The following SYNE2 variants were observed in gnomAD, a reference collection of about 807,000 sequenced individuals.
The protein encoded by SYNE2 is nesprin-2.
Under a neutral mutation model 856.3 loss-of-function variants are expected in SYNE2, and 431 were observed. The observed-to-expected ratio is 0.50, with a 90% CI of 0.47 to 0.55. The LOEUF (loss-of-function observed/expected upper bound fraction) is 0.55, where lower values mean the gene tolerates loss of function less well. Ranked by LOEUF, SYNE2 falls within the 20% of genes least tolerant of loss-of-function variation. The probability of loss-of-function intolerance (pLI) is 0.00; values close to 1 mark genes in which losing one functional copy is unlikely to be tolerated. For missense variants in SYNE2, 8,129 were observed against 8,023.2 expected (o/e 1.01, Z -0.50); for synonymous variants, 2,923 against 2,872.3 (o/e 1.02, Z -0.56).
chr14:64,026,764 C>T, intron 42 of SYNE2, 34 bp downstream of exon 42: 3 of 1,583,812 alleles, frequency 1.9e-6, no homozygotes, highest in Non-Finnish European at 1.7e-6. Context: ...TGCATCATAT[C>T]CCATTGCCCA....
At chr14:63,880,444 G>A (rs1486863745) in intron 1 of SYNE2, among the ~76,000 whole-genome samples, 1 of 152,132 alleles carries the variant, frequency 6.6e-6, no homozygotes, top group Non-Finnish European at 1.5e-5. Flanking sequence ...TTTAGAAGAT[G>A]AGGTAGCAAT....
Position 64,080,717 on chromosome 14 carries a change from ACAGT to A in SYNE2, c.11346+84_11346+87del, listed in dbSNP as rs1340962910. The A allele has an allele frequency of 5.8e-6, 9 of 1,550,454 alleles. No homozygotes were observed. In the Admixed American group the frequency reaches 1.2e-4, roughly 20 times the overall value. ...TTAAAGCAAAACAATATATTCAGAA[ACAGT>A]CAGTTTCTGTTGAATTATCAGTTTT... On this transcript the variant is annotated intron_variant, in intron 56 of 115. Transcript: ENST00000555002.
chr14:64,051,594 A>G lies in SYNE2; in HGVS notation c.7681A>G (p.Lys2561Glu), dbSNP rs1211378375. The G allele has an allele frequency of 6.2e-6, 10 of 1,613,590 alleles. No homozygotes were observed. Among genetic ancestry groups the G allele is most frequent in the Non-Finnish European group, 8.5e-6 (10 of 1,179,852 alleles). Residue 2561 changes from lysine to glutamate, a missense_variant, in exon 48 of 116, where the codon AAA becomes GAA. Coordinates refer to ENST00000555002, the MANE Select transcript of SYNE2 (RefSeq NM_182914.3). The stretch of plus-strand genomic sequence containing the variant: ...CAGTGTAACGTATCTGGACAAAATT[A>G]AAAAATTCATAGCATCCATAGAAAA... The part of the protein sequence containing the change: ...LDSVTYLDKI[K>E]KFIASIEKEK...
chr14:63,779,451 A>G (rs2139731622), intron 1 of SYNE2, among the ~76,000 whole-genome samples: 1 of 151,162 alleles, frequency 6.6e-6, no homozygotes, highest in East Asian at 1.9e-4. Flanking sequence ...AAAAAAAAAA[A>G]AAAAAGCTAG....
chr14:64,136,044 C>G (rs1293479248), intron 78 of SYNE2, among the ~76,000 whole-genome samples: 2 of 152,034 alleles, frequency 1.3e-5, no homozygotes, highest in African/African-American at 4.8e-5. Context: ...AATCCTAGCA[C>G]CTTAGGAGGC....
At chr14:64,189,246 A>G (rs893088563) in intron 98 of SYNE2, among the ~76,000 whole-genome samples, 1 of 151,614 alleles carries the variant, frequency 6.6e-6, no homozygotes, top group African/African-American at 2.4e-5. Context: ...AGGCAGGAGG[A>G]TTGCTTGAAC....
At chr14:63,793,213 A>G (rs1188537611) in intron 1 of SYNE2, among the ~76,000 whole-genome samples, 4 of 152,190 alleles carry the variant, frequency 2.6e-5, no homozygotes, top group African/African-American at 7.2e-5. Context: ...TGACACACAC[A>G]GCCACCTTGG....
At chr14:63,846,574 G>GTT (rs140162098) in intron 1 of SYNE2, among the ~76,000 whole-genome samples, 209 of 150,234 alleles carry the variant, frequency 1.4e-3, no homozygotes, top group African/African-American at 4.0e-3. Context: ...ATTTATTCAG[G>GTT]TTTTTTTTTC....
At chr14:63,923,349 G>A (rs1193956019) in intron 2 of SYNE2, among the ~76,000 whole-genome samples, 1 of 152,222 alleles carries the variant, frequency 6.6e-6, no homozygotes, top group Non-Finnish European at 1.5e-5. Context: ...TGCTCATGTG[G>A]CAACACGAGG....
chr14:63,843,190 C>T (rs1890126356), intron 1 of SYNE2, among the ~76,000 whole-genome samples: 1 of 151,890 alleles, frequency 6.6e-6, no homozygotes, highest in South Asian at 2.1e-4. Context: ...GTGTGCCCCA[C>T]CATACCAGGC....
chr14:64,179,888 G>A (rs569165957), intron 96 of SYNE2, among the ~76,000 whole-genome samples: 8 of 152,190 alleles, frequency 5.3e-5, no homozygotes, highest in African/African-American at 1.7e-4. Context: ...TTGTTAATGT[G>A]GATGAATTGG....
Position 64,177,421 on chromosome 14 carries a change from C to T in SYNE2, c.17494C>T (p.Gln5832Ter). 1 of 1,614,086 alleles carries T rather than the reference C, an allele frequency of 6.2e-7. No homozygotes were observed. The highest frequency in any genetic ancestry group is 8.5e-7 in the Non-Finnish European group (1 of 1,180,002). Reference protein sequence around the residue: ...LKSRLQVLKAQSEDPLPELHE... With the variant: ...LKSRLQVLKA ...AAGCAGGCTGCAAGTTTTAAAGGCA[C>T]AAAGTGAAGATCCTCTTCCAGAGCT... The change falls in exon 96 of 116, where the codon CAA becomes TAA. Residue 5832 changes from glutamine (Q) to a stop codon, truncating the protein, a stop_gained. Transcript: ENST00000555002. LOFTEE classifies it high-confidence loss of function.
At chr14:64,059,987 G>T (rs2097303412) in intron 49 of SYNE2, among the ~76,000 whole-genome samples, 1 of 152,114 alleles carries the variant, frequency 6.6e-6, no homozygotes, top group African/African-American at 2.4e-5. Flanking sequence ...TTCACTAAAG[G>T]CTCAAGGGGT....
chr14:64,141,209 GGTGTGTGT>G, intron 80 of SYNE2, 124 bp from the exon 81 acceptor site: 1 of 652,934 alleles, frequency 1.5e-6, no homozygotes, highest in Non-Finnish European at 2.6e-6. Context: ...AGGAAAAAGG[GGTGTGTGT>G]GTGTGTGTGT....
At position 63,998,897 on chromosome 14, in the gene SYNE2, C is replaced by T. The variant is rs1375973220; in HGVS notation, c.3354-17C>T. ...TTAAAAATTAACTATTGTGATGTTGCATTTCATTTTGCCCAGGTATGATAC... is the reference window on the plus strand; with the variant it reads ...TTAAAAATTAACTATTGTGATGTTGTATTTCATTTTGCCCAGGTATGATAC... On this transcript the variant is annotated splice_polypyrimidine_tract_variant and intron_variant, in intron 26 of 115. Coordinates refer to ENST00000555002, the MANE Select transcript of SYNE2 (RefSeq NM_182914.3). 1.9e-6 allele frequency: 3 copies of T among 1,613,470 alleles called. No homozygotes were observed. Among genetic ancestry groups the T allele is most frequent in the South Asian group, 2.2e-5 (2 of 91,060 alleles).
chr14:63,941,471 G>A (rs1217337334), intron 3 of SYNE2, among the ~76,000 whole-genome samples: 2 of 152,170 alleles, frequency 1.3e-5, no homozygotes, highest in Admixed American at 6.5e-5. Flanking sequence ...AAAGCTCCAC[G>A]CAGAAAGGGT....
At chr14:63,849,182 G>A (rs1412411090), upstream of SYNE2, among the ~76,000 whole-genome samples, 2 of 151,644 alleles carry the variant, frequency 1.3e-5, no homozygotes, top group Non-Finnish European at 2.9e-5. Flanking sequence ...TCCCAAAGTG[G>A]TAAAAAATAT....
intron 1 of SYNE2, among the ~76,000 whole-genome samples, chr14:63,844,519 C>T (rs1305128244): frequency 6.6e-6 from 1 of 152,124 alleles, no homozygotes; most frequent in African/African-American, 2.4e-5. Context: ...GTATTTAACT[C>T]ATTTGGGTAA....
Position 64,170,612 on chromosome 14 carries a change from C to G in SYNE2, c.17235+150C>G, listed in dbSNP as rs1339561798. ...CCAGCAAGGTGCAGTCACCACCCCC[C>G]ACAGCCCAGTCCCTAGCATTGTGGG... On this transcript the variant is annotated intron_variant, in intron 94 of 115. Transcript: ENST00000555002. 6.4e-6 allele frequency: 5 copies of G among 786,118 alleles called. No individual in the cohort carries two copies. The Admixed American group carries it at 8.0e-5, about 13-fold the overall frequency. 48.7% of individuals were successfully genotyped at this position (786,118 alleles called of 1,614,324 possible).
Sources: allele counts gnomAD v4.1 joint callset (sites outside exome capture counted in the v4.1 genomes callset), GRCh38; gene constraint gnomAD v4.1.1; transcripts MANE v1.5; gene names NCBI Gene and HGNC (gene_info 2026-07-23, HGNC 2026-07-21).